GSTA5: variants seen among roughly 807,000 people sequenced by gnomAD.
The protein encoded by GSTA5 is glutathione S-transferase A5.
GSTA5 carries 25 observed loss-of-function variants against 21.8 expected under a neutral mutation model. That is an observed-to-expected ratio of 1.14 (90% CI 0.83 to 1.60). The LOEUF is 1.60. Ranked by LOEUF, GSTA5 falls within the 40% of genes most tolerant of loss-of-function variation. The pLI is 0.00. For synonymous variants in GSTA5, 102 were observed against 89.5 expected (o/e 1.14, Z -0.78); for missense variants, 330 against 259.2 (o/e 1.27, Z -1.88).
chr6:52,841,218 T>C (rs1369678406), upstream of GSTA5, among the ~76,000 whole-genome samples: 2 of 152,342 alleles, frequency 1.3e-5, no homozygotes, highest in Admixed American at 6.5e-5. Flanking sequence ...TATAGTCTCA[T>C]TAAATGGTTG....
exon 6 of GSTA5, chr6:52,831,856 T>A: frequency 6.2e-7 from 1 of 1,614,000 alleles, no homozygotes; most frequent in Non-Finnish European, 8.5e-7. Context: ...TATTAAAACC[T>A]GAAAATCTTC....
intron 1 of GSTA5, among the ~76,000 whole-genome samples, chr6:52,840,042 G>A (rs1764349899): frequency 6.6e-6 from 1 of 152,156 alleles, no homozygotes; most frequent in South Asian, 2.1e-4. Context: ...ATCTTTAATA[G>A]GTAGTTTGTT....
chr6:52,834,826 C>T (rs1387776538), intron 3 of GSTA5, among the ~76,000 whole-genome samples: 1 of 152,166 alleles, frequency 6.6e-6, no homozygotes, highest in Non-Finnish European at 1.5e-5. Context: ...ACCCATGAAA[C>T]ACATTTCCAC....
exon 3 of GSTA5, chr6:52,836,264 A>G: frequency 1.2e-6 from 2 of 1,613,756 alleles, no homozygotes; most frequent in South Asian, 1.1e-5. Flanking sequence ...TCTTTCCCAT[A>G]AAGGTTGTAT....
At chr6:52,837,986 C>A (rs965327563) in intron 1 of GSTA5, among the ~76,000 whole-genome samples, 8 of 152,182 alleles carry the variant, frequency 5.3e-5, no homozygotes, top group African/African-American at 1.9e-4. Context: ...CTTGTGTGTC[C>A]CCAGTGTGGG....
At chr6:52,834,046 G>A in intron 4 of GSTA5, 95 bp downstream of exon 4, 9 of 1,371,256 alleles carry the variant, frequency 6.6e-6, no homozygotes, top group Non-Finnish European at 9.4e-6. Context: ...AAGTCTCACT[G>A]AAAGTGAAGG....
upstream of GSTA5, among the ~76,000 whole-genome samples, chr6:52,844,707 A>G (rs1329064870): frequency 6.6e-6 from 1 of 152,136 alleles, no homozygotes; most frequent in Non-Finnish European, 1.5e-5. Context: ...AGTTATTTCT[A>G]CTTTTGAGGG....
At chr6:52,836,073 T>C (rs773195500) in intron 3 of GSTA5, among the ~76,000 whole-genome samples, 163 bp downstream of exon 3, 30 of 152,180 alleles carry the variant, frequency 2.0e-4, no homozygotes, top group Non-Finnish European at 4.1e-4. Flanking sequence ...ATGTTCACTG[T>C]TCCCTCATCT....
At chr6:52,843,098 A>T (rs2397124), upstream of GSTA5, among the ~76,000 whole-genome samples, 151,786 of 152,318 alleles carry the variant, frequency 1, 75,631 homozygotes, top group Middle Eastern at 1. Flanking sequence ...TTTTTATGGC[A>T]GCATAGTATT....
intron 4 of GSTA5, among the ~76,000 whole-genome samples, chr6:52,833,576 T>C (rs1352205702): frequency 6.6e-6 from 1 of 152,212 alleles, no homozygotes; most frequent in African/African-American, 2.4e-5. Flanking sequence ...TGTTATAATT[T>C]GCAAGCTGAA....
rs369544252 is a variant in GSTA5, at chr6:52,835,901, C to T, written c.272+335G>A. Among the ~76,000 whole-genome samples, 72 of 152,294 alleles carry T rather than the reference C, an allele frequency of 4.7e-4. 1 individual carries two copies. The East Asian group carries it at 7.7e-3, about 16-fold the overall frequency. On this transcript the variant is annotated intron_variant, in intron 3 of 5. Transcript: ENST00000370989. ...CTCAGACATTCTATGCCTTGCCCTA[C>T]GCTGTTGGCTGGAGTCTAGCCTCTG... is the stretch of plus-strand genomic sequence containing the variant.
chr6:52,837,632 G>T (rs375424772), intron 1 of GSTA5, 23 bp from the exon 2 acceptor site: 10 of 1,566,622 alleles, frequency 6.4e-6, no homozygotes, highest in African/African-American at 4.1e-5. Flanking sequence ...ACAGTAAATG[G>T]GTTCTTCTTA....
At chr6:52,833,659 C>T (rs1473189706) in intron 4 of GSTA5, among the ~76,000 whole-genome samples, 1 of 152,206 alleles carries the variant, frequency 6.6e-6, no homozygotes, top group East Asian at 1.9e-4. Context: ...TCCTCTGCAT[C>T]CCACAGTCAC....
chr6:52,832,744 G>A (rs755512746), intron 5 of GSTA5, 115 bp downstream of exon 5: 117 of 1,519,168 alleles, frequency 7.7e-5, no homozygotes, highest in Non-Finnish European at 1.0e-4. Flanking sequence ...AGACCTTGGG[G>A]GCACTGAAGG....
At chr6:52,837,290 C>T (rs1267320320) in intron 2 of GSTA5, among the ~76,000 whole-genome samples, 1 of 152,132 alleles carries the variant, frequency 6.6e-6, no homozygotes, top group East Asian at 1.9e-4. Flanking sequence ...CACTGACGGT[C>T]CCCCAAGCAT....
At chr6:52,840,470 AGTTT>A (rs1213581813) in intron 1 of GSTA5, among the ~76,000 whole-genome samples, 5 of 152,192 alleles carry the variant, frequency 3.3e-5, no homozygotes, top group East Asian at 1.9e-4. Flanking sequence ...TATTTTTTAC[AGTTT>A]GTTTAAATTC....
upstream of GSTA5, among the ~76,000 whole-genome samples, chr6:52,842,294 A>T (rs2397122): frequency 1 from 151,816 of 152,344 alleles, 75,648 homozygotes; most frequent in Middle Eastern, 1. Flanking sequence ...ACAGTTGCAT[A>T]TTCTCTCCAA....
upstream of GSTA5, among the ~76,000 whole-genome samples, chr6:52,844,961 C>G (rs527584980): frequency 1.3e-5 from 2 of 152,172 alleles, no homozygotes; most frequent in Admixed American, 1.3e-4. Context: ...TTTTATCTAT[C>G]AATCGTTCTA....
exon 1 of GSTA5, chr6:52,840,760 G>A (rs1451898550): frequency 6.2e-7 from 1 of 1,614,050 alleles, no homozygotes; most frequent in East Asian, 2.2e-5. Flanking sequence ...GCCACCGAAT[G>A]GACTCCATAC....
Sources: gnomAD v4.1 joint callset for allele counts (sites outside exome capture counted in the v4.1 genomes callset) on GRCh38, gnomAD v4.1.1 for gene constraint, MANE v1.5 for transcripts, NCBI Gene and HGNC (gene_info 2026-07-23, HGNC 2026-07-21) for gene names.